The following EEFSEC variants were observed in gnomAD, a reference collection of about 807,000 sequenced individuals.
The protein encoded by EEFSEC is selenocysteine-specific elongation factor.
In EEFSEC, 43 loss-of-function variants were observed where a neutral mutation model predicts 42.1. The observed-to-expected ratio is 1.02, with a 90% CI of 0.80 to 1.32. EEFSEC has a LOEUF of 1.32. EEFSEC is among the 40% of genes most tolerant of loss of function. The probability of loss-of-function intolerance (pLI) is 0.00; values close to 1 mark genes in which losing one functional copy is unlikely to be tolerated. For synonymous variants in EEFSEC, 354 were observed against 339.1 expected (o/e 1.04, Z -0.48); for missense variants, 745 against 803.6 (o/e 0.93, Z 0.88).
At chr3:128,178,761 C>T (rs1329103309) in intron 1 of EEFSEC, among the ~76,000 whole-genome samples, 1 of 152,228 alleles carries the variant, frequency 6.6e-6, no homozygotes, top group Non-Finnish European at 1.5e-5. Flanking sequence ...CACTTTACCA[C>T]AGACCAGAAA....
At chr3:128,362,641 A>G (rs888009757) in intron 6 of EEFSEC, among the ~76,000 whole-genome samples, 1 of 152,218 alleles carries the variant, frequency 6.6e-6, no homozygotes, top group African/African-American at 2.4e-5. Flanking sequence ...TTGTTACTGG[A>G]AAGCCCCAGG....
chr3:128,372,430 A>G (rs2067664657), intron 6 of EEFSEC, among the ~76,000 whole-genome samples: 1 of 151,950 alleles, frequency 6.6e-6, no homozygotes, highest in Non-Finnish European at 1.5e-5. Flanking sequence ...GCAGCAGGAA[A>G]CTCCCTGCCC....
intron 1 of EEFSEC, among the ~76,000 whole-genome samples, chr3:128,185,038 G>GA (rs1270454303): frequency 1.3e-5 from 2 of 152,068 alleles, no homozygotes; most frequent in African/African-American, 2.4e-5. Context: ...CTGAAAGAAG[G>GA]AAAAAAACAA....
chr3:128,154,054 T>C, intron 1 of EEFSEC: 1 of 405,078 alleles, frequency 2.5e-6, no homozygotes. Flanking sequence ...CAAGGCGCCT[T>C]CCTTAAAAAA....
chr3:128,266,280 C>G (rs542435582), intron 4 of EEFSEC, among the ~76,000 whole-genome samples: 24 of 152,280 alleles, frequency 1.6e-4, no homozygotes, highest in Admixed American at 1.4e-3. Flanking sequence ...TGAACCACAT[C>G]ACCCGCTGGG....
chr3:128,182,329 T>A (rs1472039328), intron 1 of EEFSEC, among the ~76,000 whole-genome samples: 3 of 151,186 alleles, frequency 2.0e-5, no homozygotes, highest in Middle Eastern at 3.4e-3. Flanking sequence ...AAAAAAAAAA[T>A]TCTGTAGTAA....
downstream of EEFSEC, among the ~76,000 whole-genome samples, chr3:128,410,298 T>G (rs1292554487): frequency 6.6e-6 from 1 of 152,184 alleles, no homozygotes; most frequent in East Asian, 1.9e-4. Context: ...TCAGAGTCCC[T>G]GCACATTGGG....
rs1192101351 is a variant in EEFSEC, at chr3:128,153,835, C to G, written c.316+12C>G. ...GACCATCATCGGCGGTGAGCGCGGG[C>G]CGGGGCGGGAGCCGGGCTCAGGGAC... On this transcript the variant is annotated intron_variant, in intron 1 of 6. Coordinates refer to ENST00000254730, the MANE Select transcript of EEFSEC (RefSeq NM_021937.5). 1.3e-6 allele frequency: 2 copies of G among 1,500,218 alleles called. No individual in the cohort carries two copies. The highest frequency in any genetic ancestry group is 2.5e-5 in the South Asian group (2 of 80,218). The allele number at this position is 1,500,218 out of a possible 1,614,324, so 92.9% of individuals were successfully genotyped here. A position where few individuals can be genotyped will look rare whatever the true frequency, so the allele number is the denominator to read the frequency against.
chr3:128,231,821 A>G (rs1289821024), intron 1 of EEFSEC, among the ~76,000 whole-genome samples: 1 of 152,024 alleles, frequency 6.6e-6, no homozygotes, highest in Non-Finnish European at 1.5e-5. Flanking sequence ...TAATTCTGAG[A>G]TTCCAAGCCA....
downstream of EEFSEC, among the ~76,000 whole-genome samples, chr3:128,411,659 T>C (rs1576715611): frequency 2.0e-5 from 3 of 152,102 alleles, no homozygotes; most frequent in South Asian, 4.1e-4. Flanking sequence ...GCAGCGGTGA[T>C]TGGCAGGCCC....
intron 2 of EEFSEC, among the ~76,000 whole-genome samples, chr3:128,249,081 ATTTCAT>A (rs1019634632): frequency 2.0e-5 from 3 of 152,212 alleles, no homozygotes; most frequent in African/African-American, 7.2e-5. Context: ...TTAAGTGACT[ATTTCAT>A]TTTCTTATGT....
rs926400924 is a variant in EEFSEC, at chr3:128,200,387, C to G, written c.317-46449C>G. Among the ~76,000 whole-genome samples the G allele has an allele frequency of 2.3e-4, 35 of 152,308 alleles. 1 individual carries two copies. The highest frequency in any genetic ancestry group is 3.4e-3 in the Middle Eastern group (1 of 292). ...CACCGCAACCTCCGCCTCTCAGGTTCAAGTGATTCTCATGCCTCAGCCTCC... is the reference window on the plus strand; with the variant it reads ...CACCGCAACCTCCGCCTCTCAGGTTGAAGTGATTCTCATGCCTCAGCCTCC... On this transcript the variant is annotated intron_variant, in intron 1 of 6. Transcript: ENST00000254730.
At chr3:128,298,430 G>A (rs2066732401) in intron 4 of EEFSEC, among the ~76,000 whole-genome samples, 1 of 152,198 alleles carries the variant, frequency 6.6e-6, no homozygotes, top group Non-Finnish European at 1.5e-5. Context: ...TTACAGGCAT[G>A]AGCCACCACA....
At chr3:128,353,623 A>T (rs987487156) in intron 5 of EEFSEC, among the ~76,000 whole-genome samples, 1 of 152,238 alleles carries the variant, frequency 6.6e-6, no homozygotes, top group East Asian at 1.9e-4. Flanking sequence ...GTCAGTCATG[A>T]CATGGCTCTG....
chr3:128,407,567 C>T (rs2068132370), intron 6 of EEFSEC, among the ~76,000 whole-genome samples: 1 of 152,162 alleles, frequency 6.6e-6, no homozygotes, highest in Non-Finnish European at 1.5e-5. Flanking sequence ...GTCCTGCCTG[C>T]CAAAGGGAGC....
chr3:128,249,706 A>G (rs2066164659), intron 2 of EEFSEC, among the ~76,000 whole-genome samples: 1 of 152,054 alleles, frequency 6.6e-6, no homozygotes, highest in African/African-American at 2.4e-5. Flanking sequence ...TTGTGTCTGG[A>G]TTATTTCACT....
chr3:128,316,762 G>A (rs573686604), intron 4 of EEFSEC, among the ~76,000 whole-genome samples: 57 of 152,266 alleles, frequency 3.7e-4, no homozygotes, highest in African/African-American at 1.1e-3. Context: ...ACCGTGAACC[G>A]GGGCACAGCC....
At chr3:128,166,377 C>T (rs1259257431) in intron 1 of EEFSEC, among the ~76,000 whole-genome samples, 1 of 152,192 alleles carries the variant, frequency 6.6e-6, no homozygotes, top group African/African-American at 2.4e-5. Context: ...ATGGCAGCCA[C>T]GAGCCTCATG....
At chr3:128,253,583 G>A (rs1430639831) in intron 2 of EEFSEC, among the ~76,000 whole-genome samples, 2 of 152,240 alleles carry the variant, frequency 1.3e-5, no homozygotes, top group East Asian at 1.9e-4. Flanking sequence ...TTTCTCTCCT[G>A]TGTTTCTTTT....
Sources: gnomAD v4.1 joint callset for allele counts (sites outside exome capture counted in the v4.1 genomes callset) on GRCh38, gnomAD v4.1.1 for gene constraint, MANE v1.5 for transcripts, NCBI Gene and HGNC (gene_info 2026-07-23, HGNC 2026-07-21) for gene names.